MYO9A: variants seen among roughly 807,000 people sequenced by gnomAD.
MYO9A encodes unconventional myosin-IXa.
In MYO9A, 103 loss-of-function variants were observed where a neutral mutation model predicts 293.3. That is an observed-to-expected ratio of 0.35 (90% CI 0.30 to 0.41). MYO9A has a LOEUF of 0.41. Ranked by LOEUF, MYO9A falls within the 10% of genes least tolerant of loss-of-function variation. The probability of loss-of-function intolerance (pLI) is 1.00; values close to 1 mark genes in which losing one functional copy is unlikely to be tolerated. For missense variants in MYO9A, 2,685 were observed against 3,033.0 expected, an observed-to-expected ratio of 0.89 and a Z score of 2.69; for synonymous variants, 1,001 against 1,035.7, an observed-to-expected ratio of 0.97 and a Z score of 0.64.
intron 14 of MYO9A, among the ~76,000 whole-genome samples, chr15:71,952,280 A>G (rs776287279): frequency 2.0e-5 from 3 of 152,210 alleles, no homozygotes; most frequent in African/African-American, 4.8e-5. Flanking sequence ...ATGGAACCCC[A>G]AAGAGAAATA....
intron 11 of MYO9A, among the ~76,000 whole-genome samples, chr15:71,985,641 A>G (rs1276016861): frequency 1.3e-5 from 2 of 152,182 alleles, no homozygotes; most frequent in Non-Finnish European, 2.9e-5. Flanking sequence ...TTAGAATCAG[A>G]AACACTACAA....
chr15:72,077,224 A>C (rs975096787), intron 1 of MYO9A, among the ~76,000 whole-genome samples: 1 of 152,182 alleles, frequency 6.6e-6, no homozygotes, highest in African/African-American at 2.4e-5. Flanking sequence ...ATGACGTTTT[A>C]GATACAACAC....
At chr15:72,058,371 C>T (rs1217852619) in intron 1 of MYO9A, among the ~76,000 whole-genome samples, 2 of 152,086 alleles carry the variant, frequency 1.3e-5, no homozygotes, top group East Asian at 3.9e-4. Flanking sequence ...GTTTGATATA[C>T]ATTACCTAAT....
intron 4 of MYO9A, among the ~76,000 whole-genome samples, chr15:72,025,143 T>A (rs142251460): frequency 1.8e-3 from 270 of 152,004 alleles, no homozygotes; most frequent in African/African-American, 5.6e-3. Flanking sequence ...GAAAAAAAAG[T>A]TACCATGCAA....
At chr15:72,015,833 G>A (rs955844586) in intron 6 of MYO9A, among the ~76,000 whole-genome samples, 5 of 151,650 alleles carry the variant, frequency 3.3e-5, no homozygotes, top group Admixed American at 1.3e-4. Flanking sequence ...GACTACAGGC[G>A]CCCGCCACCA....
chr15:71,958,938 C>T (rs906767200), intron 14 of MYO9A: 1 of 152,144 alleles, frequency 6.6e-6, no homozygotes. Context: ...ACAGTAAATA[C>T]AAGAAAAGTT....
At chr15:72,103,268 CAGCAGCAGAAGCAGCAGCA>C (rs1361650315) in intron 1 of MYO9A, among the ~76,000 whole-genome samples, 1 of 143,212 alleles carries the variant, frequency 7.0e-6, no homozygotes, top group African/African-American at 2.6e-5. Context: ...GAAGCAGAGG[CAGCAGCAGAAGCAGCAGCA>C]AGCAGCAGCA....
At chr15:71,828,054 G>C in intron 40 of MYO9A, 28 bp from the exon 41 acceptor site, 6 of 1,597,060 alleles carry the variant, frequency 3.8e-6, no homozygotes, top group Non-Finnish European at 4.3e-6. Flanking sequence ...GAAACCATTA[G>C]CATTTGATAG....
chr15:72,015,683 GTTTTTTT>G (rs10708457), intron 6 of MYO9A, among the ~76,000 whole-genome samples: 1 of 113,468 alleles, frequency 8.8e-6, no homozygotes, highest in Admixed American at 9.2e-5. Context: ...CTCAGATCAG[GTTTTTTT>G]TTTTTTTTTT....
At chr15:72,025,291 T>A (rs375512595) in intron 4 of MYO9A, among the ~76,000 whole-genome samples, 2 of 152,070 alleles carry the variant, frequency 1.3e-5, no homozygotes, top group East Asian at 1.9e-4. Context: ...GGCCAATCCA[T>A]CAAGAAGACA....
intron 14 of MYO9A, among the ~76,000 whole-genome samples, chr15:71,957,798 A>C (rs2059239047): frequency 6.6e-6 from 1 of 152,190 alleles, no homozygotes; most frequent in Non-Finnish European, 1.5e-5. Context: ...AAACTGAAAA[A>C]TACTTTGGAC....
chr15:71,868,522 C>A (rs1330486699), intron 32 of MYO9A, among the ~76,000 whole-genome samples: 2 of 152,220 alleles, frequency 1.3e-5, no homozygotes, highest in Non-Finnish European at 2.9e-5. Flanking sequence ...TTAATTCCAT[C>A]TGTGAAGTCC....
At chr15:72,009,732 A>T (rs2077119017) in intron 7 of MYO9A, among the ~76,000 whole-genome samples, 1 of 151,976 alleles carries the variant, frequency 6.6e-6, no homozygotes, top group African/African-American at 2.4e-5. Flanking sequence ...TAACAATATA[A>T]TCAGATCTGA....
intron 1 of MYO9A, among the ~76,000 whole-genome samples, chr15:72,081,030 CAT>C (rs972815353): frequency 3.9e-5 from 6 of 152,106 alleles, no homozygotes; most frequent in Non-Finnish European, 5.9e-5. Flanking sequence ...AACAAACACA[CAT>C]GTGTACATGT....
At chr15:72,005,926 A>T (rs1056409818) in intron 8 of MYO9A, among the ~76,000 whole-genome samples, 6 of 152,230 alleles carry the variant, frequency 3.9e-5, no homozygotes, top group African/African-American at 7.2e-5. Flanking sequence ...AATATTTTTT[A>T]AAAAAGCAAG....
intron 1 of MYO9A, among the ~76,000 whole-genome samples, chr15:72,098,009 C>T (rs535037739): frequency 6.6e-6 from 1 of 152,142 alleles, no homozygotes; most frequent in East Asian, 1.9e-4. Flanking sequence ...AAACAATTAA[C>T]TAGAAATCAG....
rs1048848071 is a variant in MYO9A, at chr15:72,108,260, C to A, written c.-72+9420G>T. Among the ~76,000 whole-genome samples the A allele has an allele frequency of 4.6e-5, 7 of 152,180 alleles. No homozygotes were observed. In the East Asian group the frequency reaches 1.3e-3, roughly 29 times the overall value. ...CGAACTTACATCACTGATAGGAGGA[C>A]AGCTGACATTATGTGCCTCCCATTA... On this transcript the variant is annotated intron_variant, in intron 1 of 41. Coordinates refer to ENST00000356056, the MANE Select transcript of MYO9A (RefSeq NM_006901.4).
At chr15:71,963,595 T>C (rs2075798396) in intron 13 of MYO9A, among the ~76,000 whole-genome samples, 1 of 151,362 alleles carries the variant, frequency 6.6e-6, no homozygotes, top group South Asian at 2.1e-4. Context: ...ATTACAGGCA[T>C]ACACGCCACC....
chr15:71,956,327 AAAAATATAT>A (rs1267426997), intron 14 of MYO9A, among the ~76,000 whole-genome samples: 3 of 78,574 alleles, frequency 3.8e-5, no homozygotes, highest in African/African-American at 1.3e-4. Context: ...AAAAAAAAAA[AAAAATATAT>A]ATATATATAT....
Sources: gnomAD v4.1 joint callset for allele counts (sites outside exome capture counted in the v4.1 genomes callset) on GRCh38, gnomAD v4.1.1 for gene constraint, MANE v1.5 for transcripts, NCBI Gene and HGNC (gene_info 2026-07-23, HGNC 2026-07-21) for gene names.